KDM4C: variants seen among roughly 807,000 people sequenced by gnomAD.
KDM4C encodes the protein lysine-specific demethylase 4C.
KDM4C carries 81 observed loss-of-function variants against 129.3 expected under a neutral mutation model. That is an observed-to-expected ratio of 0.63 (90% CI 0.52 to 0.75). The LOEUF is 0.75. Among genes scored for constraint, KDM4C ranks in the 30% least tolerant of loss-of-function variants. KDM4C has a pLI of 0.00. For missense variants in KDM4C, 1,457 were observed against 1,304.0 expected, an observed-to-expected ratio of 1.12 and a Z score of -1.81; for synonymous variants, 573 against 456.1, an observed-to-expected ratio of 1.26 and a Z score of -3.26.
intron 2 of KDM4C, among the ~76,000 whole-genome samples, chr9:6,803,398 T>C (rs918551013): frequency 6.6e-6 from 1 of 151,624 alleles, no homozygotes; most frequent in Non-Finnish European, 1.5e-5. Flanking sequence ...TGGTGAAAAC[T>C]CGTCCTATTA....
At chr9:7,053,370 A>C (rs1348273653) in intron 17 of KDM4C, among the ~76,000 whole-genome samples, 1 of 152,124 alleles carries the variant, frequency 6.6e-6, no homozygotes, top group Non-Finnish European at 1.5e-5. Context: ...TGTTTACTTG[A>C]GCAGATTTTT....
At chr9:6,978,904 G>C (rs144096279) in intron 8 of KDM4C, 1 of 152,064 alleles carries the variant, frequency 6.6e-6, no homozygotes, top group African/African-American at 2.4e-5. Context: ...AGGCTTCATA[G>C]CATCATCTGA....
chr9:6,865,219 A>G (rs1204227617), intron 5 of KDM4C, among the ~76,000 whole-genome samples: 4 of 152,240 alleles, frequency 2.6e-5, no homozygotes, highest in Admixed American at 2.6e-4. Context: ...CGTGTTTGCC[A>G]GGATGGTCTC....
At chr9:7,008,796 C>G (rs183966832) in intron 12 of KDM4C, among the ~76,000 whole-genome samples, 1 of 152,182 alleles carries the variant, frequency 6.6e-6, no homozygotes, top group Non-Finnish European at 1.5e-5. Context: ...CACATACTGA[C>G]GCAGACACAA....
intron 8 of KDM4C, among the ~76,000 whole-genome samples, chr9:6,931,885 G>A (rs62533773): frequency 0.25 from 38,462 of 152,168 alleles, 5,371 homozygotes; most frequent in South Asian, 0.39. Context: ...CAACCTATTA[G>A]AGAATTGTAA....
intron 1 of KDM4C, among the ~76,000 whole-genome samples, chr9:6,743,940 G>A (rs537932440): frequency 6.6e-6 from 1 of 150,394 alleles, no homozygotes. Context: ...TTGAAATAAG[G>A]TCTCGCTATG....
intron 8 of KDM4C, among the ~76,000 whole-genome samples, chr9:6,912,261 C>G (rs566172967): frequency 2.0e-5 from 3 of 152,294 alleles, no homozygotes; most frequent in African/African-American, 4.8e-5. Flanking sequence ...CCCAGACTAA[C>G]GAATACTTGA....
At chr9:6,804,781 G>A (rs1464762306) in intron 2 of KDM4C, among the ~76,000 whole-genome samples, 1 of 151,566 alleles carries the variant, frequency 6.6e-6, no homozygotes, top group African/African-American at 2.4e-5. Context: ...AGAATATAAT[G>A]TTGACTATGT....
intron 12 of KDM4C, among the ~76,000 whole-genome samples, chr9:7,008,413 C>A (rs1398122155): frequency 6.6e-6 from 1 of 152,148 alleles, no homozygotes; most frequent in African/African-American, 2.4e-5. Context: ...TCAACAGTAG[C>A]CAGCATTTGC....
At chr9:7,127,853 G>C in intron 18 of KDM4C, 5 of 428,304 alleles carry the variant, frequency 1.2e-5, no homozygotes, top group Non-Finnish European at 2.1e-5. Context: ...CCTGGGTAAA[G>C]AGTGTTAGTA....
intron 8 of KDM4C, among the ~76,000 whole-genome samples, chr9:6,944,753 G>C (rs1187783514): frequency 2.8e-5 from 4 of 143,920 alleles, no homozygotes; most frequent in African/African-American, 1.0e-4. Context: ...ATTTCGGCTT[G>C]CTTAGGTATT....
In KDM4C at chr9:7,096,763, A is replaced by G. The variant is rs186307260; in HGVS notation, c.2425-6922A>G. ...CCAACAGGCATTTCCACTAAAGATC[A>G]TGCTGATTTTCTGGGTGGTCTGGTC... is the stretch of plus-strand genomic sequence containing the variant. On this transcript the variant is annotated intron_variant, in intron 17 of 21. Coordinates refer to ENST00000381309, the MANE Select transcript of KDM4C (RefSeq NM_015061.6). Among the ~76,000 whole-genome samples, 362 of 152,260 alleles carry G rather than the reference A, an allele frequency of 2.4e-3. 2 individuals are homozygous for G. Among genetic ancestry groups the G allele is most frequent in the Admixed American group, 7.3e-3 (111 of 15,306 alleles).
upstream of KDM4C, among the ~76,000 whole-genome samples, chr9:6,756,336 C>G (rs976534007): frequency 6.6e-6 from 1 of 152,196 alleles, no homozygotes; most frequent in African/African-American, 2.4e-5. Context: ...TTTAGCATAT[C>G]CAATTTACTT....
At chr9:6,892,700 A>G (rs1459573612) in intron 7 of KDM4C, among the ~76,000 whole-genome samples, 2 of 152,242 alleles carry the variant, frequency 1.3e-5, no homozygotes, top group East Asian at 1.9e-4. Context: ...CTGTAGCTGT[A>G]GCTTTAACAA....
At chr9:6,863,064 C>T (rs570881027) in intron 5 of KDM4C, among the ~76,000 whole-genome samples, 3 of 152,036 alleles carry the variant, frequency 2.0e-5, no homozygotes, top group Non-Finnish European at 4.4e-5. Flanking sequence ...AAGATCAAAT[C>T]AGGGTAACTG....
chr9:6,848,301 A>G lies in KDM4C; in HGVS notation c.436-1206A>G, dbSNP rs555036695. Among the ~76,000 whole-genome samples, 4 of 152,306 alleles carry G rather than the reference A, an allele frequency of 2.6e-5. No individual in the cohort carries two copies. The South Asian group carries it at 8.3e-4, about 32-fold the overall frequency. On this transcript the variant is annotated intron_variant, in intron 4 of 21. Transcript: ENST00000381309. Reference sequence around the variant, plus strand: ...AACATGCCTAGTCTCTGATATTTAGAATTTGATAAAAATATATGGTAAAAA... The same window carrying G: ...AACATGCCTAGTCTCTGATATTTAGGATTTGATAAAAATATATGGTAAAAA...
intron 5 of KDM4C, among the ~76,000 whole-genome samples, chr9:6,872,998 C>T (rs1317317317): frequency 6.6e-6 from 1 of 152,100 alleles, no homozygotes; most frequent in Non-Finnish European, 1.5e-5. Context: ...GCAATCTCGT[C>T]TCATTGCAAC....
chr9:6,781,806 T>C (rs1824400352), intron 1 of KDM4C, among the ~76,000 whole-genome samples: 1 of 151,852 alleles, frequency 6.6e-6, no homozygotes, highest in Non-Finnish European at 1.5e-5. Flanking sequence ...ATACTGATTT[T>C]GGGGTTATAA....
chr9:7,053,347 A>T, intron 17 of KDM4C, among the ~76,000 whole-genome samples: 1 of 152,186 alleles, frequency 6.6e-6, no homozygotes, highest in Non-Finnish European at 1.5e-5. Flanking sequence ...TGTGGCGGAT[A>T]CAGGAAAGGA....
Sources: gnomAD v4.1 joint callset for allele counts (sites outside exome capture counted in the v4.1 genomes callset) on GRCh38, gnomAD v4.1.1 for gene constraint, MANE v1.5 for transcripts, NCBI Gene and HGNC (gene_info 2026-07-23, HGNC 2026-07-21) for gene names.